Variants in TPO observed in about 807,000 individuals in gnomAD.
TPO encodes the protein thyroid peroxidase, also known as thyroid microsomal antigen.
TPO carries 78 observed loss-of-function variants against 96.9 expected under a neutral mutation model. The observed-to-expected ratio is 0.81, with a 90% CI of 0.67 to 0.97. The LOEUF (loss-of-function observed/expected upper bound fraction) is 0.97, where lower values mean the gene tolerates loss of function less well. Ranked by LOEUF, TPO falls within the 50% of genes least tolerant of loss-of-function variation. The pLI is 0.00. For synonymous variants in TPO, 547 were observed against 538.0 expected (o/e 1.02, Z -0.23); for missense variants, 1,252 against 1,274.8 (o/e 0.98, Z 0.27).
intron 15 of TPO, among the ~76,000 whole-genome samples, chr2:1,529,561 G>A (rs373748072): frequency 1.5e-4 from 5 of 32,584 alleles, no homozygotes; most frequent in Admixed American, 1.3e-3. Context: ...ATGCCCCACC[G>A]TGTGCAACCT....
chr2:1,374,478 T>C (rs929734190), intron 1 of TPO: 1 of 152,182 alleles, frequency 6.6e-6, no homozygotes, highest in African/African-American at 2.4e-5. Flanking sequence ...TTTGTTGTCA[T>C]ACACACAGGG....
At chr2:1,529,683 T>C (rs1160653865) in intron 15 of TPO, among the ~76,000 whole-genome samples, 1 of 61,590 alleles carries the variant, frequency 1.6e-5, no homozygotes, top group Non-Finnish European at 3.0e-5. Flanking sequence ...GTGTGCAACC[T>C]CCTCAAATCC....
At chr2:1,469,413 T>C (rs1329503344) in intron 7 of TPO, among the ~76,000 whole-genome samples, 1 of 152,210 alleles carries the variant, frequency 6.6e-6, no homozygotes, top group African/African-American at 2.4e-5. Context: ...TGGACGTGAT[T>C]AGTACTCTCC....
upstream of TPO, among the ~76,000 whole-genome samples, chr2:1,409,794 G>GCACA (rs10659188): frequency 5.2e-4 from 78 of 150,442 alleles, no homozygotes; most frequent in East Asian, 3.6e-3. Context: ...AACAGTGCGC[G>GCACA]CACACACACA....
chr2:1,539,879 G>C (rs1421294090), intron 15 of TPO, among the ~76,000 whole-genome samples: 1 of 150,072 alleles, frequency 6.7e-6, no homozygotes, highest in East Asian at 2.0e-4. Flanking sequence ...GGGGAATGGG[G>C]GCGGGGGCAG....
intron 8 of TPO, chr2:1,477,825 G>A (rs1176300638): frequency 1.4e-5 from 14 of 985,268 alleles, no homozygotes; most frequent in African/African-American, 1.7e-5. Flanking sequence ...CCTGTGCAGG[G>A]GCCGAAGGGT....
chr2:1,478,336 G>C, intron 8 of TPO: 1 of 985,480 alleles, frequency 1.0e-6, no homozygotes, highest in Non-Finnish European at 1.2e-6. Context: ...GTCACCGTGT[G>C]TGTCTGTTGC....
chr2:1,379,832 A>T (rs1286256534), intron 1 of TPO, among the ~76,000 whole-genome samples: 6 of 152,228 alleles, frequency 3.9e-5, no homozygotes, highest in Non-Finnish European at 8.8e-5. Context: ...TAACTTTAAA[A>T]ATGAAAATAC....
At chr2:1,511,932 C>G (rs1674174974) in intron 14 of TPO, among the ~76,000 whole-genome samples, 1 of 152,244 alleles carries the variant, frequency 6.6e-6, no homozygotes, top group Non-Finnish European at 1.5e-5. Context: ...GTGTATACAA[C>G]AGGAGCATGA....
intron 2 of TPO, among the ~76,000 whole-genome samples, chr2:1,417,153 G>A (rs556419150): frequency 5.9e-5 from 9 of 152,362 alleles, no homozygotes; most frequent in East Asian, 1.9e-4. Context: ...AGTACTCAGC[G>A]AAAAGTATCA....
At position 1,543,531 on chromosome 2, in the gene TPO, C is replaced by CTTTTTATAACTT. The variant is rs1219566269; in HGVS notation, c.*1060_*1071dup. ...TGTTATGTAGAGAAAGCATGGTTTG[C>CTTTTTATAACTT]TTTTTATAACTTTTGTGACCCAAAA... is the stretch of plus-strand genomic sequence containing the variant. On this transcript the variant is annotated 3_prime_UTR_variant, in exon 17 of 17. Coordinates refer to ENST00000329066, the MANE Select transcript of TPO (RefSeq NM_001206744.2). 2 of 152,102 alleles carry CTTTTTATAACTT rather than the reference C, an allele frequency of 1.3e-5. No individual in the cohort carries two copies. Among genetic ancestry groups the CTTTTTATAACTT allele is most frequent in the African/African-American group, 4.8e-5 (2 of 41,410 alleles). The allele number at this position is 152,102 out of a possible 1,614,324, so 9.4% of individuals were successfully genotyped here. A position where few individuals can be genotyped will look rare whatever the true frequency, so the allele number is the denominator to read the frequency against.
chr2:1,522,284 C>T (rs113857529), intron 15 of TPO, among the ~76,000 whole-genome samples: 7 of 80,902 alleles, frequency 8.7e-5, no homozygotes, highest in Non-Finnish European at 1.4e-4. Flanking sequence ...TACCCCACAC[C>T]GGCCCTGCCA....
intron 15 of TPO, among the ~76,000 whole-genome samples, chr2:1,524,614 T>G (rs13430142): frequency 1.2e-5 from 1 of 85,822 alleles, no homozygotes; most frequent in Non-Finnish European, 2.3e-5. Context: ...CCGCTCACTG[T>G]GTGCAACCTC....
At chr2:1,465,421 T>C (rs908289974) in intron 7 of TPO, among the ~76,000 whole-genome samples, 12 of 152,210 alleles carry the variant, frequency 7.9e-5, no homozygotes, top group Non-Finnish European at 1.3e-4. Context: ...GATTTTGTTT[T>C]CTAATTTGAT....
rs1553313704 is a variant in TPO, at chr2:1,472,850, AAG to A, written c.820-4235_820-4234del. 4.3e-3 allele frequency among the ~76,000 whole-genome samples: 597 copies of A among 137,902 alleles called. 3 individuals are homozygous for A. The highest frequency in any genetic ancestry group is 8.8e-3 in the African/African-American group (342 of 38,650). 90.5% of individuals were successfully genotyped at this position (137,902 alleles called of 152,430 possible). A position where few individuals can be genotyped will look rare whatever the true frequency, so the allele number is the denominator to read the frequency against. ...GGCAAAAAAAAAAAAAAAAAAAAAAAAGGAGAGAGAGAGATATTTCGTTGTTA... is the reference window on the plus strand; with the variant it reads ...GGCAAAAAAAAAAAAAAAAAAAAAAAGAGAGAGAGAGATATTTCGTTGTTA... On this transcript the variant is annotated intron_variant, in intron 7 of 16. Coordinates refer to ENST00000329066, the MANE Select transcript of TPO (RefSeq NM_001206744.2).
chr2:1,401,674 T>A (rs1307484951), intron 1 of TPO, among the ~76,000 whole-genome samples: 1 of 152,102 alleles, frequency 6.6e-6, no homozygotes, highest in East Asian at 1.9e-4. Context: ...ATGGGTTTGA[T>A]CCCTAATAAG....
intron 1 of TPO, among the ~76,000 whole-genome samples, chr2:1,394,206 A>G (rs1179674131): frequency 1.3e-5 from 2 of 152,394 alleles, no homozygotes; most frequent in East Asian, 1.9e-4. Context: ...ATACGGTGGA[A>G]TATTAAAGCT....
At chr2:1,493,209 T>TGGCG (rs1553321278) in intron 10 of TPO, among the ~76,000 whole-genome samples, 3 of 17,534 alleles carry the variant, frequency 1.7e-4, no homozygotes, top group Admixed American at 7.3e-4. Context: ...TGTGAGTGGG[T>TGGCG]GGGGGGGGGG....
chr2:1,518,192 CAAT>C (rs1249456150), intron 15 of TPO, among the ~76,000 whole-genome samples: 2 of 152,198 alleles, frequency 1.3e-5, no homozygotes, highest in African/African-American at 4.8e-5. Flanking sequence ...CTCATCTTCC[CAAT>C]AATAGAAACT....
Sources: gnomAD v4.1 joint callset for allele counts (sites outside exome capture counted in the v4.1 genomes callset) on GRCh38, gnomAD v4.1.1 for gene constraint, MANE v1.5 for transcripts, NCBI Gene and HGNC (gene_info 2026-07-23, HGNC 2026-07-21) for gene names.